The following TBC1D7 variants were observed in gnomAD, a reference collection of about 807,000 sequenced individuals.
TBC1D7 encodes TBC domain family 7.
In TBC1D7, 33 loss-of-function variants were observed where a neutral mutation model predicts 35.3. The observed-to-expected ratio is 0.93, with a 90% CI of 0.71 to 1.25. The LOEUF is 1.25. TBC1D7 is among the 50% of genes most tolerant of loss of function. The pLI is 0.00. For missense variants in TBC1D7, 362 were observed against 365.3 expected (o/e 0.99, Z 0.07); for synonymous variants, 135 against 129.5 (o/e 1.04, Z -0.29).
In TBC1D7 at chr6:13,309,810, G is replaced by A. The variant is rs115222517; in HGVS notation, c.520-2065C>T. ...ATTGTGGACATTTTCCCAGGTTAAT[G>A]AATAATCTTAAAAGGTTAATATCCC... On this transcript the variant is annotated intron_variant, in intron 5 of 7. Transcript: ENST00000379300. 3.6e-3 allele frequency among the ~76,000 whole-genome samples: 550 copies of A among 152,192 alleles called. 4 individuals carry two copies. The highest frequency in any genetic ancestry group is 0.012 in the African/African-American group (502 of 41,514).
In TBC1D7 at chr6:13,309,585, CTAT is replaced by C. The variant is rs544626462; in HGVS notation, c.520-1843_520-1841del. On this transcript the variant is annotated intron_variant, in intron 5 of 7. Transcript: ENST00000379300. ...AACCTTTTTCCTGGTTTATTATAGC[CTAT>C]TATAAGAAATCTTGAAACTCTATTA... 3.2e-3 allele frequency among the ~76,000 whole-genome samples: 490 copies of C among 152,158 alleles called. 3 individuals are homozygous for C. Among genetic ancestry groups the C allele is most frequent in the African/African-American group, 0.012 (478 of 41,516 alleles).
At chr6:13,307,383 C>A in intron 6 of TBC1D7, 1 of 482,994 alleles carries the variant, frequency 2.1e-6, no homozygotes, top group African/African-American at 2.0e-5. Flanking sequence ...GGTGTGACTG[C>A]TTCACAGCAT....
chr6:13,320,459 A>G, intron 4 of TBC1D7: 1 of 400,900 alleles, frequency 2.5e-6, no homozygotes, highest in Non-Finnish European at 4.5e-6. Context: ...TGATTTAGGA[A>G]AAAAAAAATG....
intron 2 of TBC1D7, among the ~76,000 whole-genome samples, chr6:13,325,590 G>C (rs930315441): frequency 3.3e-5 from 5 of 152,356 alleles, no homozygotes; most frequent in East Asian, 1.9e-4. Context: ...CTGAACCCAG[G>C]AGGCAGAGGT....
intron 3 of TBC1D7, among the ~76,000 whole-genome samples, chr6:13,324,388 A>C (rs1313402977): frequency 1.3e-5 from 2 of 152,190 alleles, no homozygotes; most frequent in Non-Finnish European, 2.9e-5. Context: ...TTGGCCTCCC[A>C]AAGTGCTGGG....
intron 3 of TBC1D7, among the ~76,000 whole-genome samples, chr6:13,321,310 A>C (rs1239593059): frequency 1.3e-5 from 2 of 152,220 alleles, no homozygotes; most frequent in African/African-American, 4.8e-5. Flanking sequence ...CTGATGCATC[A>C]CTGATATGAG....
chr6:13,322,572 T>G (rs1347858484), intron 3 of TBC1D7, among the ~76,000 whole-genome samples: 1 of 152,242 alleles, frequency 6.6e-6, no homozygotes, highest in Non-Finnish European at 1.5e-5. Flanking sequence ...GCTAGTACAT[T>G]TGACTATGAA....
chr6:13,314,882 A>T (rs1052180355), intron 5 of TBC1D7, among the ~76,000 whole-genome samples: 8 of 152,318 alleles, frequency 5.3e-5, no homozygotes, highest in South Asian at 4.1e-4. Context: ...TGAGATAAAT[A>T]AGGGGAAAAA....
chr6:13,320,771 T>A, intron 4 of TBC1D7, 137 bp downstream of exon 4: 1 of 845,638 alleles, frequency 1.2e-6, no homozygotes, highest in Non-Finnish European at 2.0e-6. Context: ...GAATGCCAAG[T>A]AAAGATGTGT....
Position 13,306,421 on chromosome 6 carries a change from T to C in TBC1D7, c.772A>G (p.Lys258Glu), listed in dbSNP as rs748751516. The change falls in exon 7 of 8, where the codon AAG becomes GAG. Residue 258 changes from lysine to glutamate, a missense_variant. Lys to Glu is a moderately conservative substitution (Grantham distance 56). Transcript: ENST00000379300. ...ACATTTTCCAGAAACTTTGTTATCT[T>C]CTCTGCACTGTTCAGTGCCATAACT... ...IKVMALNSAE[K>E]ITKFLENIPQ... The C allele has an allele frequency of 6.2e-7, 1 of 1,601,228 alleles. No homozygotes were observed. The highest frequency in any genetic ancestry group is 2.2e-5 in the East Asian group (1 of 44,452).
At chr6:13,316,492 A>G in intron 5 of TBC1D7, 79 bp downstream of exon 5, 1 of 1,453,226 alleles carries the variant, frequency 6.9e-7, no homozygotes, top group Non-Finnish European at 9.4e-7. Context: ...CAGCAGCCCC[A>G]GGAGGTAAGA....
At chr6:13,322,515 A>G (rs896822083) in intron 3 of TBC1D7, among the ~76,000 whole-genome samples, 2 of 152,166 alleles carry the variant, frequency 1.3e-5, no homozygotes, top group African/African-American at 4.8e-5. Flanking sequence ...AACACACACA[A>G]AGCATTCAGA....
At position 13,328,533 on chromosome 6, in the gene TBC1D7, G is replaced by GCTGCCGCTGCCGCT; in HGVS notation, c.-247_-246insAGCGGCAGCGGCAG. 6.3e-6 allele frequency: 1 copy of GCTGCCGCTGCCGCT among 159,390 alleles called. No individual in the cohort carries two copies. Among genetic ancestry groups the GCTGCCGCTGCCGCT allele is most frequent in the Non-Finnish European group, 1.4e-5 (1 of 71,952 alleles). The allele number at this position is 159,390 out of a possible 1,614,324, so 9.9% of individuals were successfully genotyped here. A position where few individuals can be genotyped will look rare whatever the true frequency, so the allele number is the denominator to read the frequency against. ...TGCCGCTGCCGCTGCCGCCGCCGCC[G>GCTGCCGCTGCCGCT]GACGTGACATCAACTCCAGGTCGCC... On this transcript the variant is annotated 5_prime_UTR_variant, in exon 1 of 8. Coordinates refer to ENST00000379300, the MANE Select transcript of TBC1D7 (RefSeq NM_016495.6).
At chr6:13,323,710 T>C (rs556049763) in intron 3 of TBC1D7, 1 of 152,416 alleles carries the variant, frequency 6.6e-6, no homozygotes, top group African/African-American at 2.4e-5. Flanking sequence ...CAGGCCTTCC[T>C]AGTACCGCTT....
At chr6:13,311,780 T>C (rs774087565) in intron 5 of TBC1D7, among the ~76,000 whole-genome samples, 21 of 152,110 alleles carry the variant, frequency 1.4e-4, no homozygotes, top group Non-Finnish European at 2.1e-4. Context: ...AGCTCAAGAA[T>C]AGCCAAGACA....
chr6:13,307,843 AG>A, intron 5 of TBC1D7, 98 bp from the exon 6 acceptor site: 3 of 1,304,062 alleles, frequency 2.3e-6, no homozygotes, highest in South Asian at 1.4e-5. Context: ...GCTGAATTCA[AG>A]GAAGTATTAG....
intron 5 of TBC1D7, among the ~76,000 whole-genome samples, chr6:13,313,676 G>A (rs1410814312): frequency 2.0e-5 from 3 of 152,126 alleles, no homozygotes; most frequent in Non-Finnish European, 4.4e-5. Flanking sequence ...TTTTTAAAAG[G>A]TGGTTCTAAA....
At chr6:13,312,766 T>C (rs554332935) in intron 5 of TBC1D7, among the ~76,000 whole-genome samples, 4 of 146,628 alleles carry the variant, frequency 2.7e-5, no homozygotes, top group African/African-American at 1.0e-4. Context: ...AAAGGGCTAA[T>C]TAACCAGTAA....
At chr6:13,319,428 C>T (rs1427012070) in intron 4 of TBC1D7, 1 of 149,580 alleles carries the variant, frequency 6.7e-6, no homozygotes, top group Non-Finnish European at 1.5e-5. Flanking sequence ...CCACTGCACT[C>T]CAGCCTGGTC....
Sources: gnomAD v4.1 joint callset for allele counts (sites outside exome capture counted in the v4.1 genomes callset) on GRCh38, gnomAD v4.1.1 for gene constraint, MANE v1.5 for transcripts, NCBI Gene and HGNC (gene_info 2026-07-23, HGNC 2026-07-21) for gene names.